The following ZNF804B variants were observed in gnomAD, a reference collection of about 807,000 sequenced individuals.
ZNF804B encodes the protein zinc finger protein 804B.
ZNF804B carries 80 observed loss-of-function variants against 101.4 expected under a neutral mutation model. The observed-to-expected ratio is 0.79, with a 90% CI of 0.66 to 0.95. The LOEUF (loss-of-function observed/expected upper bound fraction) is 0.95. Ranked by LOEUF, ZNF804B falls within the 40% of genes least tolerant of loss-of-function variation. ZNF804B has a pLI of 0.00. For missense variants in ZNF804B, 1,673 were observed against 1,561.9 expected, an observed-to-expected ratio of 1.07 and a Z score of -1.20; for synonymous variants, 622 against 558.8, an observed-to-expected ratio of 1.11 and a Z score of -1.59.
At chr7:88,810,231 A>G (rs1790763005) in intron 1 of ZNF804B, among the ~76,000 whole-genome samples, 2 of 151,950 alleles carry the variant, frequency 1.3e-5, no homozygotes, top group Admixed American at 6.6e-5. Flanking sequence ...GCCTTGTATT[A>G]TAATTATGGT....
chr7:89,040,371 G>T (rs150215632), intron 1 of ZNF804B, among the ~76,000 whole-genome samples: 19 of 151,774 alleles, frequency 1.3e-4, no homozygotes, highest in African/African-American at 4.3e-4. Context: ...GCTTCTACTT[G>T]ATTGAATCTT....
At chr7:89,081,264 G>A (rs1055525611) in intron 1 of ZNF804B, among the ~76,000 whole-genome samples, 3 of 151,834 alleles carry the variant, frequency 2.0e-5, no homozygotes, top group Admixed American at 6.6e-5. Context: ...AGGCAGAACT[G>A]AGTTTAATTA....
Position 88,854,534 on chromosome 7 carries a change from CCTTCCTT to C in ZNF804B, c.108+94452_108+94458del, listed in dbSNP as rs1161483756. On this transcript the variant is annotated intron_variant, in intron 1 of 3. Transcript: ENST00000333190. ...TTCCTTTCCTTTCCTTCCTTTCCTT[CCTTCCTT>C]CCTTCCTTCCTTCCTTCCTTCCTTC... Among the ~76,000 whole-genome samples, 39 of 57,988 alleles carry C rather than the reference CCTTCCTT, an allele frequency of 6.7e-4. No individual in the cohort carries two copies. The East Asian group carries it at 7.6e-3, about 11-fold the overall frequency. 38.0% of individuals were successfully genotyped at this position (57,988 alleles called of 152,430 possible).
At chr7:89,099,602 T>C (rs897929920) in intron 1 of ZNF804B, among the ~76,000 whole-genome samples, 18 of 152,152 alleles carry the variant, frequency 1.2e-4, no homozygotes, top group African/African-American at 3.6e-4. Context: ...AATGTTGCAA[T>C]TGATAGGCAT....
chr7:89,036,477 C>T (rs1192130758), intron 1 of ZNF804B, among the ~76,000 whole-genome samples: 1 of 151,918 alleles, frequency 6.6e-6, no homozygotes, highest in Non-Finnish European at 1.5e-5. Flanking sequence ...CCTACCCCAG[C>T]AACTAAATTT....
At chr7:89,280,257 C>A (rs1408762235) in intron 2 of ZNF804B, among the ~76,000 whole-genome samples, 1 of 151,710 alleles carries the variant, frequency 6.6e-6, no homozygotes, top group Non-Finnish European at 1.5e-5. Flanking sequence ...ACATTCAAAG[C>A]AGTGTGTAGA....
At chr7:89,014,300 A>G (rs1012431421) in intron 1 of ZNF804B, among the ~76,000 whole-genome samples, 3 of 151,920 alleles carry the variant, frequency 2.0e-5, no homozygotes, top group African/African-American at 7.3e-5. Context: ...CCTGATGATT[A>G]GTGATTGAAC....
rs1790541017 is a variant in ZNF804B, at chr7:89,305,132, G to A, written c.250-22212G>A. Among the ~76,000 whole-genome samples the A allele has an allele frequency of 1.3e-5, 2 of 151,880 alleles. 1 individual carries two copies. Among genetic ancestry groups the A allele is most frequent in the South Asian group, 4.1e-4 (2 of 4,820 alleles). On this transcript the variant is annotated intron_variant, in intron 2 of 3. Coordinates refer to ENST00000333190, the MANE Select transcript of ZNF804B (RefSeq NM_181646.5). ...TCATAGTTTTCTTGTGGAGATTAAA[G>A]GGATTAATACTAATAGAGAACTTGC... is the stretch of plus-strand genomic sequence containing the variant.
chr7:89,224,755 A>AGTGT (rs5885668), intron 2 of ZNF804B, among the ~76,000 whole-genome samples: 1 of 143,032 alleles, frequency 7.0e-6, no homozygotes, highest in Admixed American at 6.9e-5. Context: ...TGTGTGTATG[A>AGTGT]GTGTGTGTGT....
At chr7:88,804,204 C>T (rs1414873240) in intron 1 of ZNF804B, among the ~76,000 whole-genome samples, 1 of 152,052 alleles carries the variant, frequency 6.6e-6, no homozygotes, top group Non-Finnish European at 1.5e-5. Flanking sequence ...GTCGACCACT[C>T]CTCCACATTT....
chr7:89,062,274 T>C (rs1379407217), intron 1 of ZNF804B, among the ~76,000 whole-genome samples: 3 of 152,150 alleles, frequency 2.0e-5, no homozygotes, highest in Non-Finnish European at 4.4e-5. Flanking sequence ...AAGGCACTCA[T>C]AGTCACCCCT....
intron 1 of ZNF804B, among the ~76,000 whole-genome samples, chr7:89,083,020 A>G (rs1164307356): frequency 1.3e-5 from 2 of 151,762 alleles, no homozygotes; most frequent in Non-Finnish European, 3.0e-5. Context: ...TGTTCATGTA[A>G]TATTATTTTG....
At chr7:89,195,753 C>A (rs936814798) in intron 1 of ZNF804B, among the ~76,000 whole-genome samples, 1 of 151,604 alleles carries the variant, frequency 6.6e-6, no homozygotes, top group Non-Finnish European at 1.5e-5. Context: ...TTCTATACAC[C>A]TACAGTAGGC....
intron 2 of ZNF804B, among the ~76,000 whole-genome samples, chr7:89,248,466 G>GAAAAAAAAAAAAAA (rs139869508): frequency 7.1e-6 from 1 of 140,856 alleles, no homozygotes. Context: ...AGCATTCTTT[G>GAAAAAAAAAAAAAA]AAAAAAAAAG....
At chr7:89,156,988 C>T (rs757673256) in intron 1 of ZNF804B, among the ~76,000 whole-genome samples, 2 of 152,180 alleles carry the variant, frequency 1.3e-5, no homozygotes, top group Non-Finnish European at 1.5e-5. Flanking sequence ...CTTATCTCTT[C>T]CTTTCCAACA....
At chr7:89,171,449 T>C (rs1033306468) in intron 1 of ZNF804B, among the ~76,000 whole-genome samples, 3 of 151,116 alleles carry the variant, frequency 2.0e-5, no homozygotes, top group Non-Finnish European at 4.4e-5. Context: ...CTTCTTCTTC[T>C]TCTTCGACAG....
intron 1 of ZNF804B, among the ~76,000 whole-genome samples, chr7:88,948,622 T>C (rs1448133895): frequency 6.6e-6 from 1 of 151,856 alleles, no homozygotes; most frequent in Non-Finnish European, 1.5e-5. Flanking sequence ...GTCCATCTGA[T>C]AAGAGCCCTG....
chr7:88,994,929 T>C (rs139556030), intron 1 of ZNF804B, among the ~76,000 whole-genome samples: 21 of 152,192 alleles, frequency 1.4e-4, no homozygotes, highest in African/African-American at 4.3e-4. Context: ...ATATACCAGC[T>C]TCCGGAATTG....
At chr7:89,291,257 A>T (rs1019759996) in intron 2 of ZNF804B, among the ~76,000 whole-genome samples, 2 of 151,014 alleles carry the variant, frequency 1.3e-5, no homozygotes, top group African/African-American at 4.9e-5. Context: ...GACACCATCT[A>T]GAAAATATCA....
Sources: allele counts gnomAD v4.1 joint callset (sites outside exome capture counted in the v4.1 genomes callset), GRCh38; gene constraint gnomAD v4.1.1; transcripts MANE v1.5; gene names NCBI Gene and HGNC (gene_info 2026-07-23, HGNC 2026-07-21).